The following DCX variants were observed in gnomAD, a reference collection of about 807,000 sequenced individuals.
DCX encodes the protein doublecortin.
A neutral mutation model predicts 20.9 loss-of-function variants in DCX; 4 were observed. The observed-to-expected ratio is 0.19, with a 90% confidence interval of 0.09 to 0.44. The LOEUF is 0.44. DCX is among the 20% of genes least tolerant of loss of function. The pLI, the probability that DCX is intolerant of heterozygous loss-of-function variation, is 0.99. For missense variants in DCX, 133 were observed against 296.9 expected, an observed-to-expected ratio of 0.45 and a Z score of 4.06; for synonymous variants, 103 against 111.4, an observed-to-expected ratio of 0.92 and a Z score of 0.47.
intron 3 of DCX, among the ~76,000 whole-genome samples, chrX:111,374,262 C>T (rs1026124626): frequency 1.8e-5 from 2 of 111,845 alleles, no homozygotes; most frequent in African/African-American, 6.5e-5. Flanking sequence ...TATGGTTGGG[C>T]TATTCCCTTC....
Position 111,357,790 on chromosome X carries a change from A to G in DCX, c.706-24637T>C, listed in dbSNP as rs1411552614. 3.7e-5 allele frequency among the ~76,000 whole-genome samples: 4 copies of G among 107,314 alleles called. No homozygotes were observed. In the East Asian group the frequency reaches 1.2e-3, roughly 31 times the overall value. 93.2% of individuals were successfully genotyped at this position (107,314 alleles called of 115,157 possible). A position where few individuals can be genotyped will look rare whatever the true frequency, so the allele number is the denominator to read the frequency against. ...GAGCGAGGCACGTCTCAAAAAGAGAAAAAAAGAAAAAAAAAAAGGAGCTGA... is the reference window on the plus strand; with the variant it reads ...GAGCGAGGCACGTCTCAAAAAGAGAGAAAAAGAAAAAAAAAAAGGAGCTGA... On this transcript the variant is annotated intron_variant, in intron 3 of 6. Transcript: ENST00000636035.
intron 3 of DCX, among the ~76,000 whole-genome samples, chrX:111,387,234 T>C (rs921690902): frequency 1.8e-5 from 2 of 111,760 alleles, no homozygotes; most frequent in African/African-American, 6.5e-5. Context: ...GTTTAATTTC[T>C]TTGAAAACCA....
chrX:111,306,989 C>T (rs1216667154), intron 6 of DCX, among the ~76,000 whole-genome samples: 2 of 110,340 alleles, frequency 1.8e-5, no homozygotes, highest in Non-Finnish European at 3.8e-5. Flanking sequence ...TGGTTGGTTG[C>T]CAGGGGTTGG....
intron 3 of DCX, among the ~76,000 whole-genome samples, chrX:111,343,851 G>A (rs775739104): frequency 1.4e-4 from 16 of 110,850 alleles, no homozygotes; most frequent in Non-Finnish European, 2.6e-4. Flanking sequence ...GCATGGTGGT[G>A]GGCACCTGTA....
chrX:111,370,132 A>C lies in DCX; in HGVS notation c.705+30858T>G, dbSNP rs1924958618. 1.8e-5 allele frequency among the ~76,000 whole-genome samples: 2 copies of C among 112,062 alleles called. 1 individual carries two copies. The highest frequency in any genetic ancestry group is 7.4e-4 in the South Asian group (2 of 2,700). On this transcript the variant is annotated intron_variant, in intron 3 of 6. Coordinates refer to ENST00000636035, the MANE Select transcript of DCX (RefSeq NM_001195553.2). Reference sequence around the variant, plus strand: ...TCTTTTTGACTATGCTTAGTTCCTGAAAATTTCATCCAAGTTAGTCTTTAG... The same window carrying C: ...TCTTTTTGACTATGCTTAGTTCCTGCAAATTTCATCCAAGTTAGTCTTTAG...
chrX:111,383,788 C>G (rs781282051), intron 3 of DCX, among the ~76,000 whole-genome samples: 2 of 111,058 alleles, frequency 1.8e-5, no homozygotes, highest in Non-Finnish European at 3.8e-5. Context: ...ACACTCGTGC[C>G]TGGGTCTCAG....
chrX:111,409,925 G>T, intron 2 of DCX, 110 bp downstream of exon 2: 1 of 1,022,049 alleles, frequency 9.8e-7, no homozygotes. Context: ...CAATCAACCC[G>T]GTGTTTTGAA....
chrX:111,381,438 T>A (rs910988276), intron 3 of DCX, among the ~76,000 whole-genome samples: 2 of 110,153 alleles, frequency 1.8e-5, no homozygotes, highest in African/African-American at 6.6e-5. Flanking sequence ...TGACAGAGAA[T>A]TATCTGTACA....
intron 6 of DCX, among the ~76,000 whole-genome samples, chrX:111,305,442 T>C (rs949299571): frequency 1.4e-4 from 16 of 111,438 alleles, no homozygotes; most frequent in Admixed American, 1.4e-3. Flanking sequence ...AGCTAAAATC[T>C]ACTTACTCCC....
chrX:111,316,086 T>TAAA (rs754058802), intron 5 of DCX, among the ~76,000 whole-genome samples: 20 of 50,628 alleles, frequency 4.0e-4, no homozygotes, highest in Non-Finnish European at 6.1e-4. Context: ...TAATAAAAAA[T>TAAA]AAAAAAAAAA....
intron 3 of DCX, among the ~76,000 whole-genome samples, chrX:111,389,240 C>A (rs1425103729): frequency 9.0e-6 from 1 of 111,400 alleles, no homozygotes; most frequent in Non-Finnish European, 1.9e-5. Context: ...TTTGACACGG[C>A]TGCCCGCACC....
At chrX:111,324,129 G>A (rs907236578) in intron 5 of DCX, among the ~76,000 whole-genome samples, 1 of 111,678 alleles carries the variant, frequency 9.0e-6, no homozygotes, top group Admixed American at 9.5e-5. Context: ...CATATACACA[G>A]GATTGTTTAG....
chrX:111,342,445 A>T lies in DCX; in HGVS notation c.706-9292T>A, dbSNP rs750103266. ...TTCTTAGAGGCCTACAAAGAGACTT[A>T]GACTCCCACACAATAATAGTGGGAG... On this transcript the variant is annotated intron_variant, in intron 3 of 6. Transcript: ENST00000636035. Among the ~76,000 whole-genome samples, 17 of 96,983 alleles carry T rather than the reference A, an allele frequency of 1.8e-4. No individual in the cohort carries two copies. The Admixed American group carries it at 2.0e-3, about 11-fold the overall frequency. 84.2% of individuals were successfully genotyped at this position (96,983 alleles called of 115,157 possible).
Position 111,301,711 on chromosome X carries a change from C to G in DCX, c.1077G>C (p.Ser359=). 1 of 1,211,313 alleles carries G rather than the reference C, an allele frequency of 8.3e-7. No homozygotes were observed. The highest frequency in any genetic ancestry group is 1.1e-6 in the Non-Finnish European group (1 of 895,270). The change falls in exon 7 of 7, where the codon TCG becomes TCC. Residue 359 remains serine, a synonymous_variant. Transcript: ENST00000636035. The stretch of plus-strand genomic sequence containing the variant: ...TTTACATGGAATCACCAAGCGAGTC[C>G]GAGTCATCCAAGGACAGAGGCAGGT... ...DLYLPLSLDD[S]DSLGDSM is the part of the protein sequence containing the mutation.
intron 2 of DCX, among the ~76,000 whole-genome samples, chrX:111,407,689 T>C (rs1430253588): frequency 9.1e-6 from 1 of 110,466 alleles, no homozygotes; most frequent in Non-Finnish European, 1.9e-5. Context: ...TTCAACCTAA[T>C]ATGACTCAAA....
intron 3 of DCX, among the ~76,000 whole-genome samples, chrX:111,399,269 T>C (rs994462065): frequency 1.8e-5 from 2 of 111,679 alleles, no homozygotes; most frequent in African/African-American, 3.3e-5. Context: ...ATATCCATTA[T>C]TTGATTTAAT....
At chrX:111,410,877 T>G (rs1479470279) in intron 1 of DCX, 4 of 1,211,341 alleles carry the variant, frequency 3.3e-6, no homozygotes, top group Non-Finnish European at 3.4e-6. Flanking sequence ...AAATTCCCCT[T>G]GAAGAGAACA....
intron 3 of DCX, among the ~76,000 whole-genome samples, chrX:111,340,316 A>G (rs1332164256): frequency 2.7e-5 from 3 of 111,706 alleles, no homozygotes; most frequent in Non-Finnish European, 5.7e-5. Context: ...CTGGGTGGGG[A>G]TTCCCTGCAG....
chrX:111,358,195 T>C (rs925590500), intron 3 of DCX, among the ~76,000 whole-genome samples: 12 of 112,285 alleles, frequency 1.1e-4, no homozygotes, highest in African/African-American at 3.6e-4. Flanking sequence ...TTTTAAACCA[T>C]TTAGCTCTAA....
Sources: allele counts gnomAD v4.1 joint callset (sites outside exome capture counted in the v4.1 genomes callset), GRCh38; gene constraint gnomAD v4.1.1; transcripts MANE v1.5; gene names NCBI Gene and HGNC (gene_info 2026-07-23, HGNC 2026-07-21).